The following LONP1 variants were observed in gnomAD, a reference collection of about 807,000 sequenced individuals.
LONP1 encodes lon peptidase 1, mitochondrial, also known as lon protease homolog, mitochondrial.
In LONP1, 31 loss-of-function variants were observed where a neutral mutation model predicts 98.5. The observed-to-expected ratio is 0.31, with a 90% CI of 0.24 to 0.42. The LOEUF is 0.42. Ranked by LOEUF, LONP1 falls within the 20% of genes least tolerant of loss-of-function variation. The pLI is 1.00. For missense variants in LONP1, 1,336 were observed against 1,350.6 expected, an observed-to-expected ratio of 0.99 and a Z score of 0.17; for synonymous variants, 781 against 594.7, an observed-to-expected ratio of 1.31 and a Z score of -4.56.
At chr19:5,714,061 T>C (rs967593858) in intron 2 of LONP1, 122 bp downstream of exon 2, 1 of 702,310 alleles carries the variant, frequency 1.4e-6, no homozygotes, top group Admixed American at 3.0e-5. Flanking sequence ...GCCTTTATTC[T>C]GGAGGTCTTC....
intron 10 of LONP1, 81 bp downstream of exon 10, chr19:5,698,946 G>A (rs1246217334): frequency 5.0e-5 from 71 of 1,427,440 alleles, no homozygotes; most frequent in Admixed American, 8.8e-5. Flanking sequence ...TCTACCAGAT[G>A]TTAAAGGGTG....
intron 4 of LONP1, among the ~76,000 whole-genome samples, chr19:5,710,400 T>C (rs2055219122): frequency 6.6e-6 from 1 of 151,866 alleles, no homozygotes; most frequent in African/African-American, 2.4e-5. Flanking sequence ...TGAATTTTTT[T>C]ATTTTAATTT....
intron 13 of LONP1, 52 bp downstream of exon 13, chr19:5,696,002 G>A (rs757644833): frequency 3.9e-6 from 6 of 1,527,870 alleles, no homozygotes; most frequent in Non-Finnish European, 8.9e-7. Flanking sequence ...AGGCTCTGGG[G>A]GGCGCCCCCT....
chr19:5,713,435 G>A (rs971563109), intron 2 of LONP1, among the ~76,000 whole-genome samples, 182 bp from the exon 3 acceptor site: 1 of 152,196 alleles, frequency 6.6e-6, no homozygotes, highest in African/African-American at 2.4e-5. Flanking sequence ...GCCAGGCCAG[G>A]GCTGCCCCAG....
Position 5,700,868 on chromosome 19 carries a change from T to G in LONP1, c.1427A>C (p.Glu476Ala). 1.2e-6 allele frequency: 2 copies of G among 1,614,252 alleles called. No homozygotes were observed. Among genetic ancestry groups the G allele is most frequent in the East Asian group, 4.5e-5 (2 of 44,888 alleles). Reference sequence around the variant, plus strand: ...CTGTGCCCGCGCCAGGTCCAGGTTCTCGTTGCTGTACTTGCCCCAAGGGAT... The same window carrying G: ...CTGTGCCCGCGCCAGGTCCAGGTTCGCGTTGCTGTACTTGCCCCAAGGGAT... The part of the protein sequence containing the change: ...TSIPWGKYSN[E>A]NLDLARAQAV... Residue 476 changes from glutamate (E) to alanine (A), a missense_variant, in exon 9 of 18, where the codon GAG (glutamate) becomes GCG (alanine). By Grantham distance (107) the Glu-to-Ala change is moderately radical. Around this residue, in one of 5 missense-constraint regions of LONP1, gnomAD observed 219 missense variants for 241.0 expected, o/e 0.91. Coordinates refer to ENST00000360614, the MANE Select transcript of LONP1 (RefSeq NM_004793.4).
At chr19:5,709,655 AC>A (rs1460042671) in intron 4 of LONP1, among the ~76,000 whole-genome samples, 1 of 151,998 alleles carries the variant, frequency 6.6e-6, no homozygotes, top group Non-Finnish European at 1.5e-5. Flanking sequence ...CACGCCTGTA[AC>A]CCCAGCACTT....
At chr19:5,719,404 A>C (rs529601231) in intron 1 of LONP1, among the ~76,000 whole-genome samples, 2 of 152,340 alleles carry the variant, frequency 1.3e-5, no homozygotes, top group African/African-American at 4.8e-5. Flanking sequence ...ACAGCGCCGT[A>C]ACACTACTCA....
Position 5,714,167 on chromosome 19 carries a change from GA to G in LONP1, c.518+15del, listed in dbSNP as rs756478857. ...GGGCACCGTCAACAAGGGAATGAAG[GA>G]AAAATCACACTTACCTGTCATCTCT... On this transcript the variant is annotated intron_variant, in intron 2 of 17. Coordinates refer to ENST00000360614, the MANE Select transcript of LONP1 (RefSeq NM_004793.4). The G allele has an allele frequency of 3.1e-6, 5 of 1,606,054 alleles. No homozygotes were observed. In the Admixed American group the frequency reaches 8.5e-5, roughly 27 times the overall value.
chr19:5,711,697 G>C (rs1175176638), intron 4 of LONP1, 74 bp downstream of exon 4: 1 of 1,259,648 alleles, frequency 7.9e-7, no homozygotes, highest in Non-Finnish European at 1.1e-6. Context: ...ACTCTTCGGA[G>C]AGGCCGCAGG....
chr19:5,695,023 TGGTGAAACCA>T (rs2054901243), intron 13 of LONP1, 122 bp from the exon 14 acceptor site: 1 of 1,213,734 alleles, frequency 8.2e-7, no homozygotes, highest in Non-Finnish European at 1.1e-6. Context: ...AGGTCCCTGA[TGGTGAAACCA>T]GGGCCTGGAC....
intron 11 of LONP1, 149 bp downstream of exon 11, chr19:5,696,521 G>C: frequency 7.7e-7 from 1 of 1,303,340 alleles, no homozygotes; most frequent in South Asian, 1.4e-5. Context: ...GCGTGGCTGT[G>C]GGTGGGAGGG....
chr19:5,706,322 G>A (rs748993028), intron 7 of LONP1, among the ~76,000 whole-genome samples: 32 of 152,176 alleles, frequency 2.1e-4, no homozygotes, highest in South Asian at 8.3e-4. Context: ...TTTTTGTAGA[G>A]ATGGGGCCAG....
chr19:5,707,268 GCA>G (rs886088892), intron 6 of LONP1, 125 bp from the exon 7 acceptor site: 19 of 737,366 alleles, frequency 2.6e-5, no homozygotes, highest in Non-Finnish European at 4.4e-5. Context: ...GCTGTACCCA[GCA>G]CAGAGGCATG....
At position 5,714,169 on chromosome 19, in the gene LONP1, A is replaced by G. The variant is rs1380256297; in HGVS notation, c.518+14T>C. On this transcript the variant is annotated intron_variant, in intron 2 of 17. Transcript: ENST00000360614. ...GCACCGTCAACAAGGGAATGAAGGA[A>G]AAATCACACTTACCTGTCATCTCTC... The G allele has an allele frequency of 4.4e-6, 7 of 1,608,282 alleles. No individual in the cohort carries two copies. Among genetic ancestry groups the G allele is most frequent in the Non-Finnish European group, 4.3e-6 (5 of 1,176,228 alleles).
chr19:5,696,848 C>T, intron 10 of LONP1, 91 bp from the exon 11 acceptor site: 1 of 782,534 alleles, frequency 1.3e-6, no homozygotes, highest in Admixed American at 2.5e-5. Context: ...GGGGAGAGGC[C>T]ACCTGGAGCC....
chr19:5,708,468 G>GGGGGGGGGGC, intron 4 of LONP1, 65 bp from the exon 5 acceptor site: 2 of 551,262 alleles, frequency 3.6e-6, no homozygotes, highest in East Asian at 4.7e-5. Context: ...GGCTGGGTGG[G>GGGGGGGGGGC]AGCATGGCCC....
At chr19:5,713,828 G>A (rs959189520) in intron 2 of LONP1, among the ~76,000 whole-genome samples, 4 of 152,188 alleles carry the variant, frequency 2.6e-5, no homozygotes, top group Non-Finnish European at 2.9e-5. Context: ...CTCCCAAAGT[G>A]CTGGGATTAC....
intron 4 of LONP1, among the ~76,000 whole-genome samples, chr19:5,710,210 G>C (rs190869830): frequency 6.6e-6 from 1 of 150,578 alleles, no homozygotes; most frequent in Non-Finnish European, 1.5e-5. Context: ...CAGTAATCCC[G>C]AGTAGCTGGG....
upstream of LONP1, chr19:5,720,352 T>A: frequency 1.4e-6 from 1 of 699,396 alleles, no homozygotes; most frequent in Non-Finnish European, 2.2e-6. Context: ...CCTTTTCCGG[T>A]CACGTGGAAG....
Sources: allele counts gnomAD v4.1 joint callset (sites outside exome capture counted in the v4.1 genomes callset), GRCh38; gene constraint gnomAD v4.1.1; regional missense constraint gnomAD v4.1.1; transcripts MANE v1.5; gene names NCBI Gene and HGNC (gene_info 2026-07-23, HGNC 2026-07-21).